The following LHFPL3 variants were observed in gnomAD, a reference collection of about 807,000 sequenced individuals.
LHFPL3 encodes LHFPL tetraspan subfamily member 3, also known as LHFPL tetraspan subfamily member 3 protein.
A neutral mutation model predicts 19.3 loss-of-function variants in LHFPL3; 5 were observed. The observed-to-expected ratio is 0.26, with a 90% CI of 0.14 to 0.54. The LOEUF is 0.54. Ranked by LOEUF, LHFPL3 falls within the 20% of genes least tolerant of loss-of-function variation. LHFPL3 has a pLI of 0.94. For missense variants in LHFPL3, 249 were observed against 307.4 expected, an observed-to-expected ratio of 0.81 and a Z score of 1.42; for synonymous variants, 133 against 126.2, an observed-to-expected ratio of 1.05 and a Z score of -0.36.
intron 2 of LHFPL3, among the ~76,000 whole-genome samples, chr7:104,886,918 G>C (rs1792160118): frequency 6.6e-6 from 1 of 152,104 alleles, no homozygotes; most frequent in African/African-American, 2.4e-5. Flanking sequence ...GTCCTCCCGG[G>C]GTCCCCGGGG....
chr7:104,604,634 A>C (rs1346210314), intron 1 of LHFPL3, among the ~76,000 whole-genome samples: 1 of 152,198 alleles, frequency 6.6e-6, no homozygotes, highest in African/African-American at 2.4e-5. Context: ...TTAATTTTGA[A>C]GTTTCTATGA....
intron 1 of LHFPL3, among the ~76,000 whole-genome samples, chr7:104,610,399 AAG>A (rs147861540): frequency 1.1e-4 from 16 of 150,820 alleles, no homozygotes; most frequent in South Asian, 6.3e-4. Flanking sequence ...AGAAACAGAA[AAG>A]AGAGAGAGAG....
At chr7:104,614,655 C>T (rs376977414) in intron 1 of LHFPL3, among the ~76,000 whole-genome samples, 3,282 of 73,598 alleles carry the variant, frequency 0.045, 146 homozygotes, top group East Asian at 0.079. Flanking sequence ...TCTCTTCTCT[C>T]CTTCCTTCCT....
intron 1 of LHFPL3, among the ~76,000 whole-genome samples, chr7:104,633,642 G>T (rs1791682172): frequency 6.6e-6 from 1 of 152,070 alleles, no homozygotes; most frequent in South Asian, 2.1e-4. Context: ...TTACAATATG[G>T]CAGTGAAGGA....
chr7:104,429,135 G>A (rs1006230468), intron 1 of LHFPL3, among the ~76,000 whole-genome samples: 48 of 151,998 alleles, frequency 3.2e-4, no homozygotes, highest in Non-Finnish European at 5.9e-4. Context: ...TGATGAAATT[G>A]GCAGTGTTCA....
At chr7:104,472,349 T>C (rs1259220406) in intron 1 of LHFPL3, among the ~76,000 whole-genome samples, 1 of 152,182 alleles carries the variant, frequency 6.6e-6, no homozygotes, top group Non-Finnish European at 1.5e-5. Flanking sequence ...TCCCATCAAA[T>C]GGATAACACG....
intron 1 of LHFPL3, among the ~76,000 whole-genome samples, chr7:104,419,939 C>T (rs1433786622): frequency 6.6e-6 from 1 of 152,116 alleles, no homozygotes; most frequent in Non-Finnish European, 1.5e-5. Context: ...CTTACATCCT[C>T]AGTCTCCCAG....
chr7:104,514,021 A>G (rs917369526), intron 1 of LHFPL3, among the ~76,000 whole-genome samples: 4 of 152,172 alleles, frequency 2.6e-5, no homozygotes, highest in African/African-American at 9.7e-5. Context: ...GTTTTAAGGT[A>G]GAGGATTTAT....
At chr7:104,656,526 T>C (rs1792123919) in intron 1 of LHFPL3, among the ~76,000 whole-genome samples, 1 of 152,222 alleles carries the variant, frequency 6.6e-6, no homozygotes, top group South Asian at 2.1e-4. Context: ...CAGAGGCTGA[T>C]ATATGACCCT....
At chr7:104,367,545 C>A (rs142751530) in intron 1 of LHFPL3, among the ~76,000 whole-genome samples, 2 of 151,990 alleles carry the variant, frequency 1.3e-5, no homozygotes, top group African/African-American at 2.4e-5. Flanking sequence ...GGGTATAGAT[C>A]GTCAGATGTT....
intron 1 of LHFPL3, among the ~76,000 whole-genome samples, chr7:104,340,421 A>T (rs1323746840): frequency 6.6e-6 from 1 of 152,186 alleles, no homozygotes; most frequent in Non-Finnish European, 1.5e-5. Context: ...CTTCGTTCTT[A>T]GGATTATTGA....
At chr7:104,723,997 G>A (rs1793542192) in intron 1 of LHFPL3, among the ~76,000 whole-genome samples, 2 of 152,120 alleles carry the variant, frequency 1.3e-5, no homozygotes, top group Admixed American at 1.3e-4. Context: ...CATCTTAAAG[G>A]ATTATCAATT....
chr7:104,554,632 T>TAGATGGAC (rs1394300811), intron 1 of LHFPL3, among the ~76,000 whole-genome samples: 2 of 140,106 alleles, frequency 1.4e-5, no homozygotes, highest in Non-Finnish European at 3.0e-5. Flanking sequence ...TAGGATAGAT[T>TAGATGGAC]AGATAGACAG....
At chr7:104,841,341 G>A (rs184721331) in intron 2 of LHFPL3, among the ~76,000 whole-genome samples, 106 of 152,216 alleles carry the variant, frequency 7.0e-4, no homozygotes, top group African/African-American at 2.2e-3. Context: ...TGCAGTCCAC[G>A]TTCTGCATAA....
intron 2 of LHFPL3, among the ~76,000 whole-genome samples, chr7:104,784,174 A>G (rs1282995122): frequency 6.6e-6 from 1 of 152,212 alleles, no homozygotes; most frequent in African/African-American, 2.4e-5. Flanking sequence ...CTTTAAATGT[A>G]ACCTTGTTGA....
intron 1 of LHFPL3, chr7:104,669,042 C>G: frequency 6.2e-7 from 1 of 1,612,104 alleles, no homozygotes; most frequent in Non-Finnish European, 8.5e-7. Context: ...CCACATCTGG[C>G]AGAAATGCAT....
At chr7:104,552,284 G>A (rs1283357395) in intron 1 of LHFPL3, among the ~76,000 whole-genome samples, 1 of 152,162 alleles carries the variant, frequency 6.6e-6, no homozygotes, top group South Asian at 2.1e-4. Context: ...CCTAGTGACT[G>A]GGTTTAGACG....
chr7:104,440,889 A>G (rs1792212904), intron 1 of LHFPL3, among the ~76,000 whole-genome samples: 1 of 152,180 alleles, frequency 6.6e-6, no homozygotes, highest in Non-Finnish European at 1.5e-5. Flanking sequence ...TTGATATACA[A>G]AAGACCGTGC....
intron 1 of LHFPL3, among the ~76,000 whole-genome samples, chr7:104,711,742 C>T (rs1793302894): frequency 6.6e-6 from 1 of 152,160 alleles, no homozygotes; most frequent in Non-Finnish European, 1.5e-5. Flanking sequence ...AGAAACGAGA[C>T]AGAACCATGT....
Sources: allele counts gnomAD v4.1 joint callset (sites outside exome capture counted in the v4.1 genomes callset), GRCh38; gene constraint gnomAD v4.1.1; transcripts MANE v1.5; gene names NCBI Gene and HGNC (gene_info 2026-07-23, HGNC 2026-07-21).